Variants in APBA2 observed in about 807,000 individuals in gnomAD.
APBA2 encodes amyloid beta precursor protein binding family A member 2, also known as amyloid-beta A4 precursor protein-binding family A member 2.
A neutral mutation model predicts 75.0 loss-of-function variants in APBA2; 30 were observed. That is an observed-to-expected ratio of 0.40 (90% CI 0.30 to 0.54). The LOEUF (loss-of-function observed/expected upper bound fraction) is 0.54, where lower values mean the gene tolerates loss of function less well. Ranked by LOEUF, APBA2 falls within the 20% of genes least tolerant of loss-of-function variation. The pLI is 0.49. For missense variants in APBA2, 801 were observed against 1,016.1 expected (o/e 0.79, Z 2.88); for synonymous variants, 444 against 409.6 (o/e 1.08, Z -1.01).
chr15:28,936,236 T>C lies in APBA2; in HGVS notation c.-95+14487T>C, dbSNP rs577950514. 2.6e-5 allele frequency among the ~76,000 whole-genome samples: 4 copies of C among 152,342 alleles called. No individual in the cohort carries two copies. The South Asian group carries it at 6.2e-4, about 24-fold the overall frequency. ...CTTTCTGCCAGCTCTCTTGCACATT[T>C]AGTTCTTGAGTGAGATGTTCTAAAT... is the stretch of plus-strand genomic sequence containing the variant. On this transcript the variant is annotated intron_variant, in intron 2 of 14. Transcript: ENST00000683413.
chr15:29,065,140 G>C (rs777253406), intron 4 of APBA2, among the ~76,000 whole-genome samples: 1 of 152,072 alleles, frequency 6.6e-6, no homozygotes. Context: ...GGCTGTCCAC[G>C]TGCGTCTGCT....
At position 29,093,228 on chromosome 15, in the gene APBA2, T is replaced by G. The variant is rs1336680062; in HGVS notation, c.1215+8T>G. The G allele has an allele frequency of 3.7e-6, 6 of 1,614,110 alleles. No individual in the cohort carries two copies. The highest frequency in any genetic ancestry group is 3.3e-4 in the Middle Eastern group (2 of 6,038). On this transcript the variant is annotated splice_region_variant and intron_variant, in intron 7 of 14. Coordinates refer to ENST00000683413, the MANE Select transcript of APBA2 (RefSeq NM_001353788.2). ...GCCGTCAGCCGGGTCAAGGTAGAGGTGCTTCGAGGGCCCCTCGCGGATGCC... is the reference window on the plus strand; with the variant it reads ...GCCGTCAGCCGGGTCAAGGTAGAGGGGCTTCGAGGGCCCCTCGCGGATGCC...
intron 3 of APBA2, among the ~76,000 whole-genome samples, chr15:29,044,806 C>G (rs189031803): frequency 1.3e-5 from 2 of 152,336 alleles, no homozygotes; most frequent in East Asian, 3.9e-4. Context: ...GTGTCTTAGT[C>G]AGCTCAGGCT....
At chr15:28,962,342 T>G (rs1289724854) in intron 2 of APBA2, among the ~76,000 whole-genome samples, 1 of 151,512 alleles carries the variant, frequency 6.6e-6, no homozygotes, top group Non-Finnish European at 1.5e-5. Context: ...GATGCAGAGG[T>G]GGGCAGTTCA....
chr15:28,893,289 C>G (rs2032256148), intron 1 of APBA2, among the ~76,000 whole-genome samples: 1 of 152,248 alleles, frequency 6.6e-6, no homozygotes, highest in South Asian at 2.1e-4. Flanking sequence ...CAGTAAAGCA[C>G]TCAGTCAGTG....
chr15:28,984,877 C>A (rs2037827037), intron 2 of APBA2, among the ~76,000 whole-genome samples: 1 of 148,930 alleles, frequency 6.7e-6, no homozygotes, highest in African/African-American at 2.5e-5. Flanking sequence ...CTCTCTCTCT[C>A]CCCCCACTGC....
Position 29,108,048 on chromosome 15 carries a change from G to C in APBA2, c.1918-222G>C, listed in dbSNP as rs1326975954. ...GGCACCCTGCGCATGGTGGGACAGA[G>C]GGCGCAGTGCTGCCCTGGAAACCTG... On this transcript the variant is annotated intron_variant, in intron 12 of 14. Coordinates refer to ENST00000683413, the MANE Select transcript of APBA2 (RefSeq NM_001353788.2). Among the ~76,000 whole-genome samples the C allele has an allele frequency of 2.0e-5, 3 of 152,312 alleles. No individual in the cohort carries two copies. In the East Asian group the frequency reaches 5.8e-4, roughly 30 times the overall value.
At chr15:29,018,061 C>A (rs1398313625) in intron 3 of APBA2, among the ~76,000 whole-genome samples, 1 of 152,104 alleles carries the variant, frequency 6.6e-6, no homozygotes, top group Admixed American at 6.5e-5. Flanking sequence ...AACGTGGCTG[C>A]ACATTAGCAT....
intron 9 of APBA2, among the ~76,000 whole-genome samples, chr15:29,100,493 G>T (rs771989175): frequency 1.3e-5 from 2 of 152,354 alleles, no homozygotes; most frequent in South Asian, 4.1e-4. Flanking sequence ...TGAGCTTTGT[G>T]TGCAGTCTTG....
Position 29,027,168 on chromosome 15 carries a change from T to C in APBA2, c.-40-26677T>C, listed in dbSNP as rs1005610342. ...GTTGGAGACTAGTTTGTGCTTATCC[T>C]TTCATAAAATAAATTGCTTCAGCTT... On this transcript the variant is annotated intron_variant, in intron 3 of 14. Coordinates refer to ENST00000683413, the MANE Select transcript of APBA2 (RefSeq NM_001353788.2). 1.7e-4 allele frequency among the ~76,000 whole-genome samples: 26 copies of C among 152,240 alleles called. 1 individual carries two copies. The highest frequency in any genetic ancestry group is 1.4e-3 in the Admixed American group (21 of 15,284).
intron 1 of APBA2, among the ~76,000 whole-genome samples, chr15:28,916,092 C>G (rs1252492351): frequency 6.6e-6 from 1 of 152,264 alleles, no homozygotes; most frequent in Non-Finnish European, 1.5e-5. Context: ...CCCGGCTGTC[C>G]TGGCCGGCAC....
At chr15:28,949,015 A>G (rs1281984143) in intron 2 of APBA2, among the ~76,000 whole-genome samples, 2 of 151,892 alleles carry the variant, frequency 1.3e-5, no homozygotes, top group Non-Finnish European at 2.9e-5. Context: ...TGTGTAAGAA[A>G]TGGCAGAGGT....
At chr15:29,070,388 G>T (rs1220157425) in intron 4 of APBA2, among the ~76,000 whole-genome samples, 1 of 152,216 alleles carries the variant, frequency 6.6e-6, no homozygotes, top group African/African-American at 2.4e-5. Flanking sequence ...TCACAGGCCT[G>T]CCTAGAGATT....
chr15:29,092,053 C>T (rs912900703), intron 6 of APBA2, among the ~76,000 whole-genome samples: 26 of 152,180 alleles, frequency 1.7e-4, no homozygotes, highest in Admixed American at 1.6e-3. Context: ...GCTCAGAGGT[C>T]GGCTGACTGC....
rs1353324844 is a variant in APBA2 at position 28,979,043 on chromosome 15, T to C, written c.-94-16710T>C. 2.6e-5 allele frequency among the ~76,000 whole-genome samples: 4 copies of C among 152,342 alleles called. No homozygotes were observed. The East Asian group carries it at 7.7e-4, about 29-fold the overall frequency. On this transcript the variant is annotated intron_variant, in intron 2 of 14. Transcript: ENST00000683413. ...GTCCCCAGGGTTGCAGCAATAGCTG[T>C]GACCTGCTTATCTTCCCAGAAGTGC...
At chr15:29,003,590 G>GGTCT (rs1056097516) in intron 3 of APBA2, among the ~76,000 whole-genome samples, 2 of 152,192 alleles carry the variant, frequency 1.3e-5, no homozygotes, top group African/African-American at 4.8e-5. Context: ...AGAAAGGCTT[G>GGTCT]GTCTATTAGT....
intron 2 of APBA2, chr15:28,961,491 C>G (rs2036468580): frequency 6.6e-6 from 1 of 152,174 alleles, no homozygotes; most frequent in Admixed American, 6.5e-5. Flanking sequence ...TCAGGAAAGC[C>G]AGGGAAGCCA....
chr15:29,115,391 A>G (rs1018817130), intron 14 of APBA2, among the ~76,000 whole-genome samples: 3 of 152,046 alleles, frequency 2.0e-5, no homozygotes, highest in Non-Finnish European at 2.9e-5. Flanking sequence ...TGGTGGGGGC[A>G]GGGGTCTGGC....
chr15:29,016,754 C>T (rs1389526993), intron 3 of APBA2, among the ~76,000 whole-genome samples: 3 of 152,134 alleles, frequency 2.0e-5, no homozygotes, highest in Non-Finnish European at 4.4e-5. Context: ...TTACTGGGTG[C>T]AGGTGTCTCC....
Sources: gnomAD v4.1 joint callset for allele counts (sites outside exome capture counted in the v4.1 genomes callset) on GRCh38, gnomAD v4.1.1 for gene constraint, MANE v1.5 for transcripts, NCBI Gene and HGNC (gene_info 2026-07-23, HGNC 2026-07-21) for gene names.